TULP4: variants seen among roughly 807,000 people sequenced by gnomAD.
The protein encoded by TULP4 is TUB like protein 4, also known as tubby-related protein 4.
Under a neutral mutation model 129.0 loss-of-function variants are expected in TULP4, and 16 were observed. The ratio of observed to expected loss-of-function variants is 0.12; its 90% CI spans 0.08 to 0.19. The LOEUF is 0.19. Among genes scored for constraint, TULP4 ranks in the 10% least tolerant of loss-of-function variants. The probability of loss-of-function intolerance (pLI) is 1.00; values close to 1 mark genes in which losing one functional copy is unlikely to be tolerated. For missense variants in TULP4, 1,842 were observed against 2,059.1 expected, an observed-to-expected ratio of 0.89 and a Z score of 2.04; for synonymous variants, 998 against 854.0, an observed-to-expected ratio of 1.17 and a Z score of -2.94.
chr6:158,250,160 T>TC (rs1163336029), intron 1 of TULP4, among the ~76,000 whole-genome samples: 1 of 150,342 alleles, frequency 6.7e-6, no homozygotes, highest in African/African-American at 2.4e-5. Flanking sequence ...TTCTTTTCTT[T>TC]TTTTTTTTTT....
chr6:158,327,923 A>G (rs1307663667), intron 1 of TULP4, among the ~76,000 whole-genome samples: 1 of 152,088 alleles, frequency 6.6e-6, no homozygotes, highest in Non-Finnish European at 1.5e-5. Flanking sequence ...GCTTTATTGT[A>G]TTATATAATG....
chr6:158,504,093 C>T lies in TULP4; in HGVS notation c.4430C>T (p.Ala1477Val). ...MANKQPLWNE[A>V]TQVYQLDFGG... Reference sequence around the variant, plus strand: ...AACAAGCAGCCGCTGTGGAACGAGGCCACCCAGGTCTACCAGCTGGACTTC... The same window carrying T: ...AACAAGCAGCCGCTGTGGAACGAGGTCACCCAGGTCTACCAGCTGGACTTC... Residue 1477 changes from alanine to valine, a missense_variant, in exon 13 of 14, where the codon GCC becomes GTC. By Grantham distance (64) the Ala-to-Val change is moderately conservative. This residue lies in a region of TULP4 where 47 missense variants were observed against 104.0 expected (regional missense o/e 0.45). Coordinates refer to ENST00000367097, the MANE Select transcript of TULP4 (RefSeq NM_020245.5). 6.2e-7 allele frequency: 1 copy of T among 1,605,710 alleles called. No individual in the cohort carries two copies. The highest frequency in any genetic ancestry group is 8.5e-7 in the Non-Finnish European group (1 of 1,176,600).
Position 158,313,937 on chromosome 6 carries a change from C to T in TULP4, c.-80C>T. 1 of 1,528,756 alleles carries T rather than the reference C, an allele frequency of 6.5e-7. No homozygotes were observed. Among genetic ancestry groups the T allele is most frequent in the South Asian group, 1.2e-5 (1 of 80,314 alleles). 94.7% of individuals were successfully genotyped at this position (1,528,756 alleles called of 1,614,324 possible). A position where few individuals can be genotyped will look rare whatever the true frequency, so the allele number is the denominator to read the frequency against. ...GCAACGCAAGCCAACCACAAAAACA[C>T]ATATACCAATGAAAGAAATTGGTTT... On this transcript the variant is annotated 5_prime_UTR_variant, in exon 1 of 14. Coordinates refer to ENST00000367097, the MANE Select transcript of TULP4 (RefSeq NM_020245.5).
rs1172489397 is a variant in TULP4, at chr6:158,449,016, T to C, written c.564T>C (p.Asp188=). ...TGCAGGTGCTGTTTGGCACGGCCGA[T>C]GGGCAGGTGATTGTCATGGATTGCC... ...DDQQVLFGTA[D]GQVIVMDCHG... Residue 188 remains aspartate, a synonymous_variant, in exon 4 of 14, where the codon GAT becomes GAC. Transcript: ENST00000367097. 1.2e-6 allele frequency: 2 copies of C among 1,612,732 alleles called. No homozygotes were observed. Among genetic ancestry groups the C allele is most frequent in the Non-Finnish European group, 1.7e-6 (2 of 1,179,046 alleles).
intron 1 of TULP4, among the ~76,000 whole-genome samples, chr6:158,410,745 G>C (rs1778079686): frequency 2.0e-5 from 3 of 152,158 alleles, no homozygotes; most frequent in African/African-American, 7.2e-5. Flanking sequence ...TGTCATTTAA[G>C]GACTTTTGTT....
chr6:158,435,799 C>A (rs1353861874), intron 3 of TULP4, among the ~76,000 whole-genome samples: 6 of 152,134 alleles, frequency 3.9e-5, no homozygotes, highest in African/African-American at 1.4e-4. Context: ...CTTCCTCTCC[C>A]CCCTGCCTCT....
At chr6:158,281,214 ATTT>A (rs56246802), upstream of TULP4, among the ~76,000 whole-genome samples, 2 of 143,972 alleles carry the variant, frequency 1.4e-5, no homozygotes. Context: ...TCCTGCCGTA[ATTT>A]TTTTTTTTTT....
chr6:158,471,779 G>C (rs1243946580), intron 6 of TULP4, among the ~76,000 whole-genome samples: 1 of 152,100 alleles, frequency 6.6e-6, no homozygotes, highest in African/African-American at 2.4e-5. Context: ...GAACGTAGTA[G>C]GTACTTAGTA....
rs1205794289 is a variant in TULP4 at position 158,413,651 on chromosome 6, C to A, written c.381+458C>A. On this transcript the variant is annotated intron_variant, in intron 2 of 13. Coordinates refer to ENST00000367097, the MANE Select transcript of TULP4 (RefSeq NM_020245.5). The surrounding 1 kb of genome is among the most constrained non-coding windows in gnomAD (Gnocchi z 4.9). Reference sequence around the variant, plus strand: ...TCTCTTCCACAGGCTTCAATCAGCACGGCCTCCTGTTGTCATCCTCCAGCT... The same window carrying A: ...TCTCTTCCACAGGCTTCAATCAGCAAGGCCTCCTGTTGTCATCCTCCAGCT... Among the ~76,000 whole-genome samples, 1 of 152,246 alleles carries A rather than the reference C, an allele frequency of 6.6e-6. No individual in the cohort carries two copies. Among genetic ancestry groups the A allele is most frequent in the South Asian group, 2.1e-4 (1 of 4,828 alleles).
At chr6:158,292,115 G>C (rs1778952958) in intron 1 of TULP4, among the ~76,000 whole-genome samples, 1 of 152,210 alleles carries the variant, frequency 6.6e-6, no homozygotes, top group African/African-American at 2.4e-5. Flanking sequence ...GCTAAGATTT[G>C]TATTTGCTCT....
rs1582881691 is a variant in TULP4, at chr6:158,498,779, A to G, written c.1981A>G (p.Asn661Asp). Residue 661 changes from asparagine (N) to aspartate (D), a missense_variant, in exon 12 of 14, where the codon AAT (asparagine) becomes GAT (aspartate). Asn to Asp is a conservative substitution (Grantham distance 23). Coordinates refer to ENST00000367097, the MANE Select transcript of TULP4 (RefSeq NM_020245.5). ...DYINLPVFNP[N>D]VFSEDEDDLP... The stretch of plus-strand genomic sequence containing the variant: ...TATTAATTTACCTGTCTTCAACCCA[A>G]ATGTTTTCAGTGAAGATGAAGATGA... 1.2e-6 allele frequency: 2 copies of G among 1,614,096 alleles called. No homozygotes were observed.
intron 1 of TULP4, among the ~76,000 whole-genome samples, chr6:158,348,679 G>A (rs545431463): frequency 1.3e-5 from 2 of 152,086 alleles, no homozygotes. Context: ...CGTTCTCGAT[G>A]GTCGCTGTCT....
At chr6:158,468,550 T>C (rs1312129117) in intron 6 of TULP4, among the ~76,000 whole-genome samples, 1 of 152,182 alleles carries the variant, frequency 6.6e-6, no homozygotes, top group Non-Finnish European at 1.5e-5. Flanking sequence ...TAATTTCTTT[T>C]AAAAAAATTA....
At position 158,493,759 on chromosome 6, in the gene TULP4, G is replaced by A. The variant is rs1780267784; in HGVS notation, c.1776+42G>A. 1.3e-6 allele frequency: 2 copies of A among 1,494,402 alleles called. No homozygotes were observed. The highest frequency in any genetic ancestry group is 1.8e-6 in the Non-Finnish European group (2 of 1,120,224). The allele number at this position is 1,494,402 out of a possible 1,614,324, so 92.6% of individuals were successfully genotyped here. On this transcript the variant is annotated intron_variant, in intron 10 of 13. Transcript: ENST00000367097. This position sits in a 1 kb window ranked among gnomAD's most constrained non-coding sequence, Gnocchi z 4.4. The stretch of plus-strand genomic sequence containing the variant: ...ACCCTGCCTTGCTCCCCTCCTCCTG[G>A]GGGCTATGCCCAGAGGGCCCCTTCC...
At chr6:158,325,619 T>C (rs1266354382) in intron 1 of TULP4, among the ~76,000 whole-genome samples, 3 of 152,158 alleles carry the variant, frequency 2.0e-5, no homozygotes, top group Non-Finnish European at 4.4e-5. Context: ...CCCAAAGTAC[T>C]GGGGTTCAGG....
intron 6 of TULP4, among the ~76,000 whole-genome samples, chr6:158,469,491 T>C (rs550342311): frequency 6.6e-6 from 1 of 152,096 alleles, no homozygotes; most frequent in East Asian, 1.9e-4. Flanking sequence ...CCAAGGCTGG[T>C]CTTGATTTTC....
chr6:158,488,357 C>T (rs1402937767), intron 8 of TULP4, among the ~76,000 whole-genome samples: 1 of 152,108 alleles, frequency 6.6e-6, no homozygotes, highest in Non-Finnish European at 1.5e-5. Flanking sequence ...GTGCATTAAG[C>T]CTTTTTATTT....
chr6:158,469,413 A>G (rs1645645420), intron 6 of TULP4, among the ~76,000 whole-genome samples: 1 of 151,846 alleles, frequency 6.6e-6, no homozygotes, highest in South Asian at 2.1e-4. Flanking sequence ...AGCTGGGACT[A>G]CAGGTGTGTG....
chr6:158,367,525 A>G, intron 1 of TULP4, among the ~76,000 whole-genome samples: 1 of 152,210 alleles, frequency 6.6e-6, no homozygotes, highest in Non-Finnish European at 1.5e-5. Flanking sequence ...GGAAGTGCAG[A>G]ATCTGTTTTC....
Sources: allele counts gnomAD v4.1 joint callset (sites outside exome capture counted in the v4.1 genomes callset), GRCh38; gene constraint gnomAD v4.1.1; regional missense constraint gnomAD v4.1.1; non-coding constraint Gnocchi (gnomAD v3.1); transcripts MANE v1.5; gene names NCBI Gene and HGNC (gene_info 2026-07-23, HGNC 2026-07-21).